Variants in LRFN2 observed in about 807,000 individuals in gnomAD.
The protein encoded by LRFN2 is leucine-rich repeat and fibronectin type-III domain-containing protein 2.
In LRFN2, 18 loss-of-function variants were observed where a neutral mutation model predicts 37.3. The observed-to-expected ratio is 0.48, with a 90% confidence interval of 0.33 to 0.72. The LOEUF (loss-of-function observed/expected upper bound fraction) is 0.72, where lower values mean the gene tolerates loss of function less well. Among genes scored for constraint, LRFN2 ranks in the 30% least tolerant of loss-of-function variants. The probability of loss-of-function intolerance (pLI) is 0.02; values close to 1 mark genes in which losing one functional copy is unlikely to be tolerated. For synonymous variants in LRFN2, 556 were observed against 466.6 expected, an observed-to-expected ratio of 1.19 and a Z score of -2.47; for missense variants, 1,006 against 1,060.7, an observed-to-expected ratio of 0.95 and a Z score of 0.72.
At chr6:40,425,619 C>T (rs1421207281) in intron 2 of LRFN2, among the ~76,000 whole-genome samples, 1 of 152,180 alleles carries the variant, frequency 6.6e-6, no homozygotes, top group Non-Finnish European at 1.5e-5. Flanking sequence ...TAGTGCCAGC[C>T]CCTTCCTGAC....
chr6:40,444,210 T>C (rs12528250), intron 1 of LRFN2, among the ~76,000 whole-genome samples: 6,697 of 152,282 alleles, frequency 0.044, 222 homozygotes, highest in Admixed American at 0.1. Context: ...CTTTTCAGCT[T>C]TCTCAATGAG....
intron 1 of LRFN2, among the ~76,000 whole-genome samples, chr6:40,542,544 C>T (rs1302245601): frequency 6.6e-6 from 1 of 152,052 alleles, no homozygotes. Context: ...GGCTTCCTCA[C>T]TGGTCTCCAG....
intron 1 of LRFN2, among the ~76,000 whole-genome samples, chr6:40,478,135 C>A (rs1045402309): frequency 1.3e-5 from 2 of 152,144 alleles, no homozygotes; most frequent in African/African-American, 4.8e-5. Flanking sequence ...CTGCTGCCAT[C>A]CTCTTCCTCT....
intron 1 of LRFN2, among the ~76,000 whole-genome samples, chr6:40,548,440 C>CAAAAAAAAAAAAAAAAAAAA (rs67639435): frequency 4.2e-5 from 6 of 142,646 alleles, no homozygotes; most frequent in South Asian, 2.2e-4. Flanking sequence ...GACTCCATCT[C>CAAAAAAAAAAAAAAAAAAAA]AAAAAAAAAA....
chr6:40,496,857 T>C (rs1227636106), intron 1 of LRFN2, among the ~76,000 whole-genome samples: 3 of 152,158 alleles, frequency 2.0e-5, no homozygotes, highest in African/African-American at 7.2e-5. Flanking sequence ...TGGCACATAG[T>C]AGGTGCTTAT....
At chr6:40,455,683 T>C (rs992705853) in intron 1 of LRFN2, among the ~76,000 whole-genome samples, 4 of 152,230 alleles carry the variant, frequency 2.6e-5, no homozygotes, top group Admixed American at 6.5e-5. Flanking sequence ...TGTGTTATTT[T>C]GTGGCCTTGA....
At chr6:40,489,242 A>G (rs1376617945) in intron 1 of LRFN2, among the ~76,000 whole-genome samples, 1 of 152,214 alleles carries the variant, frequency 6.6e-6, no homozygotes, top group Non-Finnish European at 1.5e-5. Context: ...GAAAACAAAA[A>G]CACGAACAAC....
At chr6:40,510,917 G>A (rs1765688687) in intron 1 of LRFN2, among the ~76,000 whole-genome samples, 1 of 152,186 alleles carries the variant, frequency 6.6e-6, no homozygotes, top group Admixed American at 6.5e-5. Context: ...ATGCTGGAGG[G>A]GTGGGGGCAC....
At chr6:40,407,363 C>A (rs1013260103) in intron 2 of LRFN2, among the ~76,000 whole-genome samples, 3 of 152,240 alleles carry the variant, frequency 2.0e-5, no homozygotes, top group Middle Eastern at 3.4e-3. Context: ...CTAGTTCTGC[C>A]CCCGACCAGA....
intron 1 of LRFN2, among the ~76,000 whole-genome samples, chr6:40,548,909 G>A (rs1419340255): frequency 6.6e-6 from 1 of 152,192 alleles, no homozygotes; most frequent in Non-Finnish European, 1.5e-5. Flanking sequence ...ACCCATACTT[G>A]AGGTCCACAC....
At chr6:40,450,944 C>A (rs943577149) in intron 1 of LRFN2, among the ~76,000 whole-genome samples, 5 of 152,108 alleles carry the variant, frequency 3.3e-5, no homozygotes, top group African/African-American at 1.2e-4. Context: ...GAAGGAGGGA[C>A]AATATTTAGA....
At chr6:40,447,698 C>A (rs1291305925) in intron 1 of LRFN2, among the ~76,000 whole-genome samples, 1 of 152,170 alleles carries the variant, frequency 6.6e-6, no homozygotes, top group African/African-American at 2.4e-5. Context: ...TCTTCCCACC[C>A]ACCCTATGAA....
chr6:40,547,683 G>C (rs1321707214), intron 1 of LRFN2, among the ~76,000 whole-genome samples: 6 of 152,104 alleles, frequency 3.9e-5, no homozygotes, highest in Non-Finnish European at 8.8e-5. Context: ...GGAGAAAGGA[G>C]AGTGAGTTTG....
At chr6:40,524,278 C>T (rs937907903) in intron 1 of LRFN2, among the ~76,000 whole-genome samples, 6 of 152,174 alleles carry the variant, frequency 3.9e-5, no homozygotes, top group Admixed American at 1.3e-4. Context: ...ATCCCCCTGC[C>T]TCTAACAGGT....
chr6:40,527,459 C>T (rs1199441578), intron 1 of LRFN2, among the ~76,000 whole-genome samples: 4 of 152,178 alleles, frequency 2.6e-5, no homozygotes, highest in Non-Finnish European at 5.9e-5. Flanking sequence ...AGCAAGGGGT[C>T]GGACCAGAAT....
intron 1 of LRFN2, among the ~76,000 whole-genome samples, chr6:40,461,698 GA>G (rs67530343): frequency 0.15 from 22,719 of 151,684 alleles, 1,911 homozygotes; most frequent in Admixed American, 0.22. Flanking sequence ...GTGCTAAGGA[GA>G]AAAAATAAAG....
intron 1 of LRFN2, among the ~76,000 whole-genome samples, chr6:40,495,577 C>T (rs915966954): frequency 6.6e-6 from 1 of 152,178 alleles, no homozygotes; most frequent in African/African-American, 2.4e-5. Context: ...CTCCTCATGG[C>T]CATCCATACA....
chr6:40,549,516 G>T (rs1766728967), intron 1 of LRFN2, among the ~76,000 whole-genome samples: 1 of 152,164 alleles, frequency 6.6e-6, no homozygotes, highest in African/African-American at 2.4e-5. Flanking sequence ...TTGGTTCAAA[G>T]TGGCCCATTG....
intron 1 of LRFN2, among the ~76,000 whole-genome samples, chr6:40,462,537 T>A (rs1384996602): frequency 6.6e-6 from 1 of 152,212 alleles, no homozygotes; most frequent in Non-Finnish European, 1.5e-5. Context: ...CAAGAATTTT[T>A]ACTGACATAG....
Sources: allele counts gnomAD v4.1 joint callset (sites outside exome capture counted in the v4.1 genomes callset), GRCh38; gene constraint gnomAD v4.1.1; transcripts MANE v1.5; gene names NCBI Gene and HGNC (gene_info 2026-07-23, HGNC 2026-07-21).